Variants in TIAM1 observed in about 807,000 individuals in gnomAD.
The protein encoded by TIAM1 is TIAM Rac1 associated GEF 1.
TIAM1 carries 65 observed loss-of-function variants against 163.5 expected under a neutral mutation model. The ratio of observed to expected loss-of-function variants is 0.40; its 90% CI spans 0.33 to 0.49. TIAM1 has a LOEUF of 0.49. TIAM1 is among the 20% of genes least tolerant of loss of function. The pLI, the probability that TIAM1 is intolerant of heterozygous loss-of-function variation, is 0.77. For synonymous variants in TIAM1, 833 were observed against 810.1 expected, an observed-to-expected ratio of 1.03 and a Z score of -0.48; for missense variants, 1,789 against 2,044.7, an observed-to-expected ratio of 0.87 and a Z score of 2.41.
chr21:31,438,856 C>T (rs2044316561), intron 2 of TIAM1, among the ~76,000 whole-genome samples: 1 of 152,228 alleles, frequency 6.6e-6, no homozygotes, highest in African/African-American at 2.4e-5. Context: ...CCCACAACAA[C>T]CCCACTATGA....
intron 1 of TIAM1, among the ~76,000 whole-genome samples, chr21:31,553,386 A>G (rs1233632363): frequency 6.6e-6 from 1 of 152,196 alleles, no homozygotes; most frequent in Non-Finnish European, 1.5e-5. Context: ...TGCAAGAAGG[A>G]AAGAACTTAC....
In TIAM1 at chr21:31,319,158, T is replaced by G. The variant is rs1200490574; in HGVS notation, c.-189+20085A>C. ...TTGCCAGGCCTTTTGTTTCTGGAGC[T>G]TTACTTTCTGCTGTGCAACAAGCTA... is the stretch of plus-strand genomic sequence containing the variant. On this transcript the variant is annotated intron_variant, in intron 2 of 27. Coordinates refer to ENST00000541036, the MANE Select transcript of TIAM1 (RefSeq NM_001353694.2). Among the ~76,000 whole-genome samples, 3 of 152,136 alleles carry G rather than the reference T, an allele frequency of 2.0e-5. No individual in the cohort carries two copies. The East Asian group carries it at 5.8e-4, about 29-fold the overall frequency.
chr21:31,168,432 G>A lies in TIAM1; in HGVS notation c.2888-3367C>T, dbSNP rs138566449. Among the ~76,000 whole-genome samples the A allele has an allele frequency of 2.9e-4, 43 of 150,154 alleles. No homozygotes were observed. In the East Asian group the frequency reaches 6.3e-3, roughly 22 times the overall value. ...TTTTTCTTTTTTGAGATGGAGTCTC[G>A]CTCTGTGGCCCAGGCTGGAGTGCAG... is the stretch of plus-strand genomic sequence containing the variant. On this transcript the variant is annotated intron_variant, in intron 15 of 27. Transcript: ENST00000541036.
intron 15 of TIAM1, among the ~76,000 whole-genome samples, chr21:31,165,724 G>A (rs1019913345): frequency 1.3e-5 from 2 of 151,604 alleles, no homozygotes; most frequent in Non-Finnish European, 2.9e-5. Flanking sequence ...TGATTTTGTT[G>A]ATTTTACAAT....
Position 31,225,930 on chromosome 21 carries a change from A to T in TIAM1, c.1605T>A (p.Leu535=). 1.2e-6 allele frequency: 2 copies of T among 1,614,138 alleles called. No homozygotes were observed. Among genetic ancestry groups the T allele is most frequent in the African/African-American group, 1.3e-5 (1 of 75,054 alleles). Residue 535 remains leucine, a synonymous_variant, in exon 7 of 28, where the codon CTT becomes CTA. Coordinates refer to ENST00000541036, the MANE Select transcript of TIAM1 (RefSeq NM_001353694.2). ...AGTGGATGGCGGTGATCCAGTTTTC[A>T]AGCTCCGTCTGGCTAGTGGTCTGTA... ...FLFQTTSQTE[L]ENWITAIHSA... is the part of the protein sequence containing the mutation.
intron 1 of TIAM1, among the ~76,000 whole-genome samples, chr21:31,500,925 C>T (rs1331418072): frequency 1.3e-5 from 2 of 152,174 alleles, no homozygotes; most frequent in Admixed American, 6.5e-5. Flanking sequence ...CAGCTACATC[C>T]TCCTCCCCTC....
intron 16 of TIAM1, among the ~76,000 whole-genome samples, chr21:31,159,319 G>C (rs1372164496): frequency 6.6e-6 from 1 of 152,090 alleles, no homozygotes; most frequent in Non-Finnish European, 1.5e-5. Flanking sequence ...CTTTCCTCCT[G>C]TGGAAGATGA....
chr21:31,411,818 G>A (rs1464388429), intron 2 of TIAM1, among the ~76,000 whole-genome samples: 2 of 152,092 alleles, frequency 1.3e-5, no homozygotes, highest in African/African-American at 2.4e-5. Context: ...GGCGGGATCT[G>A]GCCTGCAGGC....
intron 1 of TIAM1, among the ~76,000 whole-genome samples, chr21:31,492,998 A>G (rs1215918338): frequency 6.6e-6 from 1 of 152,042 alleles, no homozygotes; most frequent in Non-Finnish European, 1.5e-5. Context: ...TTTTAAATGA[A>G]GTCGTTTAAG....
intron 3 of TIAM1, among the ~76,000 whole-genome samples, chr21:31,271,121 A>G (rs1448150850): frequency 2.6e-5 from 4 of 151,614 alleles, no homozygotes; most frequent in African/African-American, 9.7e-5. Context: ...ATCCTTTCCC[A>G]CTAGAGCCTA....
At chr21:31,232,275 GC>G (rs1381844597) in intron 6 of TIAM1, among the ~76,000 whole-genome samples, 8 of 152,112 alleles carry the variant, frequency 5.3e-5, no homozygotes, top group Non-Finnish European at 4.4e-5. Context: ...GTATGCCTCA[GC>G]CCCCCAAACT....
intron 15 of TIAM1, among the ~76,000 whole-genome samples, chr21:31,178,303 C>CT (rs10671534): frequency 0.71 from 68,446 of 96,000 alleles, 26,606 homozygotes; most frequent in South Asian, 0.88. Context: ...TTCAGGAATT[C>CT]TTTTTTTTTT....
Position 31,474,083 on chromosome 21 carries a change from A to AAGCTCTTCAAACAATC in TIAM1, c.-421-10064_-421-10049dup, listed in dbSNP as rs2045852722. ...AGCGCAAGAGAGAGAAGGAAGTGCCAAGCTCTTCAAACAATCAGCTCTCCC... is the reference window on the plus strand; with the variant it reads ...AGCGCAAGAGAGAGAAGGAAGTGCCAAGCTCTTCAAACAATCAGCTCTTCAAACAATCAGCTCTCCC... On this transcript the variant is annotated intron_variant, in intron 1 of 28. Transcript: ENST00000286827. Among the ~76,000 whole-genome samples the AAGCTCTTCAAACAATC allele has an allele frequency of 2.6e-5, 4 of 152,268 alleles. No homozygotes were observed. The South Asian group carries it at 8.3e-4, about 32-fold the overall frequency.
intron 23 of TIAM1, among the ~76,000 whole-genome samples, chr21:31,135,028 G>A (rs2082564537): frequency 6.6e-6 from 1 of 152,032 alleles, no homozygotes; most frequent in Non-Finnish European, 1.5e-5. Flanking sequence ...TTAAGAAGGA[G>A]AAAGCAACCT....
rs537183562 is a variant in TIAM1, at chr21:31,492,388, G to A, written c.-421-28353C>T. Reference sequence around the variant, plus strand: ...AGTCATCCCTCTGCTCACCTGAGACGAAGGCATATCTGATTGCTTCCTCCA... The same window carrying A: ...AGTCATCCCTCTGCTCACCTGAGACAAAGGCATATCTGATTGCTTCCTCCA... On this transcript the variant is annotated intron_variant, in intron 1 of 28. Transcript: ENST00000286827. 8.5e-5 allele frequency among the ~76,000 whole-genome samples: 13 copies of A among 152,290 alleles called. 1 individual carries two copies.
intron 1 of TIAM1, among the ~76,000 whole-genome samples, chr21:31,546,943 T>G (rs1324999620): frequency 2.6e-5 from 3 of 114,298 alleles, no homozygotes; most frequent in Non-Finnish European, 5.3e-5. Flanking sequence ...GCTGCAGGGC[T>G]GTGCCCCAAA....
chr21:31,459,543 A>G (rs533740604), intron 2 of TIAM1, among the ~76,000 whole-genome samples: 1 of 152,352 alleles, frequency 6.6e-6, no homozygotes, highest in Non-Finnish European at 1.5e-5. Flanking sequence ...AAAGAAGAGA[A>G]AAGGCCCCAG....
chr21:31,549,972 A>C (rs2123312648), intron 1 of TIAM1, among the ~76,000 whole-genome samples: 1 of 152,192 alleles, frequency 6.6e-6, no homozygotes, highest in South Asian at 2.1e-4. Flanking sequence ...AAAAACACAA[A>C]AATTAGCCAG....
intron 1 of TIAM1, among the ~76,000 whole-genome samples, chr21:31,493,703 G>A (rs530537358): frequency 1.2e-3 from 187 of 152,278 alleles, no homozygotes; most frequent in African/African-American, 4.2e-3. Context: ...GCAGTGACAC[G>A]TCGGAGCTGT....
Sources: gnomAD v4.1 joint callset for allele counts (sites outside exome capture counted in the v4.1 genomes callset) on GRCh38, gnomAD v4.1.1 for gene constraint, MANE v1.5 for transcripts, NCBI Gene and HGNC (gene_info 2026-07-23, HGNC 2026-07-21) for gene names.